OR14A2: variants seen among roughly 807,000 people sequenced by gnomAD.
OR14A2 encodes olfactory receptor family 14 subfamily A member 2, also known as olfactory receptor 14A2.
For synonymous variants in OR14A2, 114 were observed against 58.6 expected, an observed-to-expected ratio of 1.95 and a Z score of -4.32; for missense variants, 237 against 152.9, an observed-to-expected ratio of 1.55 and a Z score of -2.90.
chr1:247,729,156 A>G, the OR14A2 span, among the ~76,000 whole-genome samples: 2 of 152,076 alleles, frequency 1.3e-5, no homozygotes, highest in Non-Finnish European at 2.9e-5. Context: ...GAATTCCCCA[A>G]AGAAAAATGT....
the OR14A2 span, among the ~76,000 whole-genome samples, chr1:247,747,627 G>T: frequency 6.6e-6 from 1 of 152,148 alleles, no homozygotes; most frequent in Non-Finnish European, 1.5e-5. Context: ...CTCCCAAAGT[G>T]CTGGGATTAC....
the OR14A2 span, among the ~76,000 whole-genome samples, chr1:247,739,835 A>C: frequency 9.9e-5 from 15 of 152,030 alleles, no homozygotes; most frequent in Middle Eastern, 3.4e-3. Flanking sequence ...TCGGCTTCCC[A>C]AGTAGCTGGG....
the OR14A2 span, among the ~76,000 whole-genome samples, chr1:247,734,797 A>G: frequency 2.6e-5 from 4 of 152,232 alleles, no homozygotes; most frequent in Admixed American, 6.5e-5. Flanking sequence ...CAACTTCGCA[A>G]TGAATGTGGG....
At chr1:247,737,419 C>T in the OR14A2 span, among the ~76,000 whole-genome samples, 1 of 152,074 alleles carries the variant, frequency 6.6e-6, no homozygotes, top group Non-Finnish European at 1.5e-5. Flanking sequence ...ATGTTGCAAA[C>T]TTTGGGTGTT....
chr1:247,733,236 T>C, the OR14A2 span, among the ~76,000 whole-genome samples: 1 of 152,122 alleles, frequency 6.6e-6, no homozygotes, highest in African/African-American at 2.4e-5. Context: ...TAAGGATTAA[T>C]TTCCATAATA....
chr1:247,727,019 C>G (rs1240987284), upstream of OR14A2, among the ~76,000 whole-genome samples: 2 of 150,524 alleles, frequency 1.3e-5, no homozygotes, highest in Admixed American at 1.3e-4. Flanking sequence ...GATGCGGGCT[C>G]TTTTTTGGTG....
At chr1:247,743,286 A>C in the OR14A2 span, among the ~76,000 whole-genome samples, 1 of 151,838 alleles carries the variant, frequency 6.6e-6, no homozygotes, top group Non-Finnish European at 1.5e-5. Context: ...CTTGCAGAGC[A>C]CCATGCCAGA....
chr1:247,736,054 G>A, the OR14A2 span, among the ~76,000 whole-genome samples: 13,863 of 150,976 alleles, frequency 0.092, 811 homozygotes, highest in Non-Finnish European at 0.13. Context: ...CATTTTCCGG[G>A]GCTGAAGATT....
the OR14A2 span, among the ~76,000 whole-genome samples, chr1:247,745,425 T>C: frequency 6.6e-6 from 1 of 151,658 alleles, no homozygotes; most frequent in African/African-American, 2.4e-5. Flanking sequence ...GGCTTTTTTT[T>C]TGATAGTATG....
chr1:247,745,799 A>G, the OR14A2 span, among the ~76,000 whole-genome samples: 1 of 152,168 alleles, frequency 6.6e-6, no homozygotes, highest in Non-Finnish European at 1.5e-5. Context: ...CAGAACTAGG[A>G]GACATTTATT....
the OR14A2 span, chr1:247,739,458 A>G: frequency 3.8e-6 from 3 of 780,742 alleles, no homozygotes; most frequent in East Asian, 2.4e-5. Context: ...CGCACCTCCA[A>G]CCTTGAACCC....
chr1:247,738,644 C>A, the OR14A2 span: 3 of 780,246 alleles, frequency 3.8e-6, no homozygotes. Context: ...TGATGGAATT[C>A]TTGCTTGTGA....
chr1:247,723,571 G>A, exon 1 of OR14A2: 2 of 718,334 alleles, frequency 2.8e-6, no homozygotes, highest in Non-Finnish European at 5.2e-6. Context: ...TGTGCCAGCT[G>A]TGTACGCAGT....
chr1:247,723,558 A>G (rs903008506), exon 1 of OR14A2: 2 of 718,182 alleles, frequency 2.8e-6, no homozygotes, highest in African/African-American at 3.5e-5. Flanking sequence ...AAGGCATGGA[A>G]AATGTGCCAG....
exon 1 of OR14A2, chr1:247,723,965 C>T (rs998478050): frequency 1.4e-6 from 1 of 716,146 alleles, no homozygotes. Context: ...AGGAAGAGCA[C>T]ACCATATAAA....
At chr1:247,744,952 A>G in the OR14A2 span, among the ~76,000 whole-genome samples, 53 of 152,150 alleles carry the variant, frequency 3.5e-4, no homozygotes, top group African/African-American at 1.3e-3. The surrounding 1 kb of genome is among the most constrained non-coding windows in gnomAD (Gnocchi z 4.3). Flanking sequence ...TGTTCAGTGT[A>G]TGGTATTTTA....
the OR14A2 span, among the ~76,000 whole-genome samples, chr1:247,735,201 G>A: frequency 4.3e-3 from 649 of 152,316 alleles, 5 homozygotes; most frequent in African/African-American, 0.015. Flanking sequence ...TAAATCCAGA[G>A]TGAGAGGAGA....
chr1:247,744,482 T>C, the OR14A2 span, among the ~76,000 whole-genome samples: 4 of 152,296 alleles, frequency 2.6e-5, no homozygotes, highest in South Asian at 8.3e-4. This position sits in a 1 kb window ranked among gnomAD's most constrained non-coding sequence, Gnocchi z 4.3. Context: ...CTAATTTTCT[T>C]TGGGACAAAT....
the OR14A2 span, chr1:247,746,137 T>C: frequency 6.6e-6 from 1 of 152,266 alleles, no homozygotes; most frequent in Non-Finnish European, 1.5e-5. Context: ...AAACTTTTTC[T>C]GTCCTTTTCT....
Sources: allele counts gnomAD v4.1 joint callset (sites outside exome capture counted in the v4.1 genomes callset), GRCh38; gene constraint gnomAD v4.1.1; non-coding constraint Gnocchi (gnomAD v3.1); transcripts MANE v1.5; gene names NCBI Gene and HGNC (gene_info 2026-07-23, HGNC 2026-07-21).